CGGBP1: variants seen among roughly 807,000 people sequenced by gnomAD.
CGGBP1 encodes CGG triplet repeat binding protein 1.
Under a neutral mutation model 11.4 loss-of-function variants are expected in CGGBP1, and 4 were observed. That is an observed-to-expected ratio of 0.35 (90% confidence interval 0.17 to 0.80). The LOEUF (loss-of-function observed/expected upper bound fraction) is 0.80. CGGBP1 is among the 30% of genes least tolerant of loss of function. The probability of loss-of-function intolerance (pLI) is 0.52; values close to 1 mark genes in which losing one functional copy is unlikely to be tolerated. For synonymous variants in CGGBP1, 76 were observed against 74.1 expected, an observed-to-expected ratio of 1.03 and a Z score of -0.13; for missense variants, 135 against 202.1, an observed-to-expected ratio of 0.67 and a Z score of 2.01.
intron 2 of CGGBP1, among the ~76,000 whole-genome samples, chr3:88,106,594 C>T (rs1301427385): frequency 2.0e-5 from 3 of 152,198 alleles, no homozygotes; most frequent in African/African-American, 7.2e-5. Context: ...CCACCCACCT[C>T]GGCCTCCCAG....
intron 2 of CGGBP1, among the ~76,000 whole-genome samples, chr3:88,089,230 G>A (rs1203196724): frequency 9.0e-5 from 13 of 144,120 alleles, no homozygotes; most frequent in African/African-American, 3.0e-4. Flanking sequence ...GGTGGCTCAC[G>A]CCTGTAATCC....
upstream of CGGBP1, among the ~76,000 whole-genome samples, chr3:88,063,147 A>G (rs1335705773): frequency 1.3e-5 from 2 of 152,160 alleles, no homozygotes; most frequent in Non-Finnish European, 2.9e-5. Flanking sequence ...TGCTGCTGAC[A>G]TCTAGTGCAT....
intron 2 of CGGBP1, chr3:88,135,211 G>A: frequency 6.9e-7 from 1 of 1,453,134 alleles, no homozygotes; most frequent in Non-Finnish European, 9.0e-7. Context: ...AGGTAAATAG[G>A]ATATATTTGT....
At chr3:88,096,602 A>G (rs1704075522) in intron 2 of CGGBP1, among the ~76,000 whole-genome samples, 1 of 152,130 alleles carries the variant, frequency 6.6e-6, no homozygotes, top group African/African-American at 2.4e-5. Context: ...AAGTCCATCC[A>G]GTGTCTTCTG....
At chr3:88,106,093 G>T (rs1004771633) in intron 2 of CGGBP1, among the ~76,000 whole-genome samples, 1 of 152,188 alleles carries the variant, frequency 6.6e-6, no homozygotes, top group African/African-American at 2.4e-5. Flanking sequence ...CTGATGAGCT[G>T]CCAGAACTGG....
intron 2 of CGGBP1, among the ~76,000 whole-genome samples, chr3:88,112,679 T>A (rs1243638171): frequency 6.6e-6 from 1 of 151,950 alleles, no homozygotes; most frequent in African/African-American, 2.4e-5. Context: ...TAACTTATGT[T>A]TTTGTGTTAA....
intron 2 of CGGBP1, among the ~76,000 whole-genome samples, chr3:88,134,103 TA>T (rs749235741): frequency 2.6e-3 from 364 of 141,922 alleles, no homozygotes; most frequent in Middle Eastern, 3.6e-3. Flanking sequence ...GAGTGTGAGT[TA>T]AAAAAAAAAA....
chr3:88,148,103 T>C (rs1028960627), intron 1 of CGGBP1, among the ~76,000 whole-genome samples: 2 of 152,208 alleles, frequency 1.3e-5, no homozygotes, highest in African/African-American at 4.8e-5. Flanking sequence ...TGCGGCTCAC[T>C]CACTTTCTTC....
chr3:88,117,779 AT>A (rs1373875901), intron 2 of CGGBP1, among the ~76,000 whole-genome samples: 2 of 152,142 alleles, frequency 1.3e-5, no homozygotes, highest in Non-Finnish European at 2.9e-5. Context: ...AATCAAATGT[AT>A]TTTTGGGCAT....
At chr3:88,107,464 G>A (rs772499954) in intron 2 of CGGBP1, among the ~76,000 whole-genome samples, 1 of 151,970 alleles carries the variant, frequency 6.6e-6, no homozygotes, top group Non-Finnish European at 1.5e-5. Context: ...ATTATGATTA[G>A]CTAGATGTAT....
intron 2 of CGGBP1, chr3:88,140,335 A>G: frequency 6.2e-7 from 1 of 1,613,686 alleles, no homozygotes; most frequent in Non-Finnish European, 8.5e-7. Context: ...TGGGATGTTC[A>G]GACAGACTCA....
intron 2 of CGGBP1, among the ~76,000 whole-genome samples, chr3:88,069,392 A>T (rs1182962778): frequency 6.6e-6 from 1 of 152,208 alleles, no homozygotes; most frequent in Non-Finnish European, 1.5e-5. Context: ...GCTGCACTTC[A>T]GCCTGGGTGA....
upstream of CGGBP1, chr3:88,059,387 C>G: frequency 6.5e-7 from 1 of 1,535,274 alleles, no homozygotes; most frequent in Non-Finnish European, 8.7e-7. Context: ...ATTGTGGAGT[C>G]CCCGCTGGGC....
At chr3:88,136,719 C>T (rs746373063) in intron 2 of CGGBP1, among the ~76,000 whole-genome samples, 9 of 152,040 alleles carry the variant, frequency 5.9e-5, no homozygotes, top group Middle Eastern at 3.4e-3. Context: ...GAGTGGTTGT[C>T]GGAGATACTT....
At chr3:88,121,484 A>G (rs1477609064) in intron 2 of CGGBP1, among the ~76,000 whole-genome samples, 1 of 152,146 alleles carries the variant, frequency 6.6e-6, no homozygotes, top group African/African-American at 2.4e-5. Flanking sequence ...TTTCATTGTT[A>G]TAACTGTCCC....
intron 2 of CGGBP1, among the ~76,000 whole-genome samples, chr3:88,068,915 G>T (rs1707348928): frequency 6.6e-6 from 1 of 151,972 alleles, no homozygotes; most frequent in Non-Finnish European, 1.5e-5. Context: ...ACAATACATT[G>T]TATTGTATCT....
At chr3:88,088,913 C>T (rs1708489144) in intron 2 of CGGBP1, among the ~76,000 whole-genome samples, 1 of 151,564 alleles carries the variant, frequency 6.6e-6, no homozygotes, top group Non-Finnish European at 1.5e-5. Flanking sequence ...GCTGGGATGA[C>T]AGGCACCCGC....
At chr3:88,112,489 TAGTAAC>T (rs1207116761) in intron 2 of CGGBP1, among the ~76,000 whole-genome samples, 3 of 149,736 alleles carry the variant, frequency 2.0e-5, no homozygotes, top group African/African-American at 4.9e-5. Flanking sequence ...ATAAAGTATT[TAGTAAC>T]AGTATTTCCA....
intron 1 of CGGBP1, chr3:88,144,188 G>A (rs572310245): frequency 2.0e-5 from 3 of 152,398 alleles, no homozygotes; most frequent in Non-Finnish European, 3.0e-5. Flanking sequence ...GGGAATCTCC[G>A]TGGACAAGGA....
Sources: gnomAD v4.1 joint callset for allele counts (sites outside exome capture counted in the v4.1 genomes callset) on GRCh38, gnomAD v4.1.1 for gene constraint, MANE v1.5 for transcripts, NCBI Gene and HGNC (gene_info 2026-07-23, HGNC 2026-07-21) for gene names.